The following ZC3H4 variants were observed in gnomAD, a reference collection of about 807,000 sequenced individuals.
ZC3H4 encodes zinc finger CCCH-type containing 4.
A neutral mutation model predicts 108.3 loss-of-function variants in ZC3H4; 13 were observed. That is an observed-to-expected ratio of 0.12 (90% CI 0.08 to 0.19). The LOEUF (loss-of-function observed/expected upper bound fraction) is 0.19, where lower values mean the gene tolerates loss of function less well. Among genes scored for constraint, ZC3H4 ranks in the 10% least tolerant of loss-of-function variants. The pLI, the probability that ZC3H4 is intolerant of heterozygous loss-of-function variation, is 1.00. For missense variants in ZC3H4, 1,734 were observed against 1,838.8 expected, an observed-to-expected ratio of 0.94 and a Z score of 1.04; for synonymous variants, 917 against 749.6, an observed-to-expected ratio of 1.22 and a Z score of -3.65.
chr19:47,093,798 G>C, intron 4 of ZC3H4, 172 bp downstream of exon 4: 1 of 518,784 alleles, frequency 1.9e-6, no homozygotes, highest in Non-Finnish European at 3.3e-6. Context: ...CTGCCTTGTT[G>C]AAATTGTCTA....
rs775865015 is a variant in ZC3H4 at position 47,067,072 on chromosome 19, C to G, written c.3196G>C (p.Asp1066His). The G allele has an allele frequency of 1.9e-6, 3 of 1,608,730 alleles. No individual in the cohort carries two copies. The highest frequency in any genetic ancestry group is 2.5e-6 in the Non-Finnish European group (3 of 1,177,828). Residue 1066 changes from aspartate to histidine, a missense_variant, in exon 15 of 15, where the codon GAC (aspartate) becomes CAC (histidine). Asp to His is a moderately conservative substitution (Grantham distance 81). Coordinates refer to ENST00000253048, the MANE Select transcript of ZC3H4 (RefSeq NM_015168.2). The surrounding 1 kb of genome is among the most constrained non-coding windows in gnomAD (Gnocchi z 6.4). ...CGCACCCGGGGGTCACTGGGTTTGT[C>G]GCTGGAACCGGGGGCGGCCGAGGAG... ...TGSSAAPGSS[D>H]KPSDPRVRKA...
In ZC3H4 at chr19:47,065,808, C is replaced by T. The variant is rs1160517235; in HGVS notation, c.*548G>A. On this transcript the variant is annotated 3_prime_UTR_variant, in exon 15 of 15. Coordinates refer to ENST00000253048, the MANE Select transcript of ZC3H4 (RefSeq NM_015168.2). Reference sequence around the variant, plus strand: ...CTTAATACCTTTTCACTCTCACTGTCTCCTGAGTGGGTTGTTACAGCCTGC... The same window carrying T: ...CTTAATACCTTTTCACTCTCACTGTTTCCTGAGTGGGTTGTTACAGCCTGC... The T allele has an allele frequency of 1.3e-5, 2 of 152,612 alleles. No homozygotes were observed. The highest frequency in any genetic ancestry group is 2.1e-4 in the South Asian group (1 of 4,826). The allele number at this position is 152,612 out of a possible 1,614,324, so 9.5% of individuals were successfully genotyped here.
At chr19:47,077,008 CA>C (rs2057433558) in intron 11 of ZC3H4, among the ~76,000 whole-genome samples, 1 of 151,294 alleles carries the variant, frequency 6.6e-6, no homozygotes, top group Non-Finnish European at 1.5e-5. Flanking sequence ...AAAATTTTTT[CA>C]AAAAAACATT....
rs759022640 is a variant in ZC3H4 at position 47,090,111 on chromosome 19, C to G, written c.571G>C (p.Gly191Arg). The G allele has an allele frequency of 8.7e-6, 14 of 1,614,078 alleles. No homozygotes were observed. In the Admixed American group the frequency reaches 2.3e-4, roughly 27 times the overall value. The change falls in exon 5 of 15, where the codon GGC becomes CGC. Residue 191 changes from glycine (G) to arginine (R), a missense_variant. Coordinates refer to ENST00000253048, the MANE Select transcript of ZC3H4 (RefSeq NM_015168.2). ...AYSKMDSKSY[G>R]MYEDYENEQY... is the part of the protein sequence containing the mutation. ...TCATTCTCGTAGTCCTCGTACATGC[C>G]ATAACTCTTGCTGTCCATCTTGGAG...
Position 47,066,219 on chromosome 19 carries a change from A to G in ZC3H4, c.*137T>C. The G allele has an allele frequency of 3.1e-6, 2 of 636,426 alleles. No individual in the cohort carries two copies. Among genetic ancestry groups the G allele is most frequent in the Admixed American group, 3.7e-5 (1 of 26,854 alleles). The allele number at this position is 636,426 out of a possible 1,614,324, so 39.4% of individuals were successfully genotyped here. On this transcript the variant is annotated 3_prime_UTR_variant, in exon 15 of 15. Coordinates refer to ENST00000253048, the MANE Select transcript of ZC3H4 (RefSeq NM_015168.2). Reference sequence around the variant, plus strand: ...GTACTACTTTAAAAAAAAATAAAAGAGACGGAAAGCAAAAGAAAAAGAAAA... The same window carrying G: ...GTACTACTTTAAAAAAAAATAAAAGGGACGGAAAGCAAAAGAAAAAGAAAA...
At chr19:47,111,720 T>C (rs2058041377) in intron 2 of ZC3H4, among the ~76,000 whole-genome samples, 1 of 147,686 alleles carries the variant, frequency 6.8e-6, no homozygotes, top group Admixed American at 6.7e-5. Context: ...TTCTAGGGGA[T>C]AGCTAAAAAA....
chr19:47,079,609 T>A (rs1351910675), intron 11 of ZC3H4, among the ~76,000 whole-genome samples: 3 of 152,070 alleles, frequency 2.0e-5, no homozygotes, highest in Non-Finnish European at 4.4e-5. Context: ...TACATAACCC[T>A]GGGGCATGCC....
At chr19:47,100,151 C>T (rs1384625479) in intron 2 of ZC3H4, among the ~76,000 whole-genome samples, 1 of 152,202 alleles carries the variant, frequency 6.6e-6, no homozygotes, top group Non-Finnish European at 1.5e-5. Context: ...GGCGCAGGGC[C>T]TTTGCTTCAG....
intron 2 of ZC3H4, among the ~76,000 whole-genome samples, chr19:47,109,997 C>T (rs1218062084): frequency 6.6e-6 from 1 of 152,060 alleles, no homozygotes. Context: ...CATGACTGGG[C>T]GTGTAACACG....
At chr19:47,086,905 A>C (rs1020502152) in intron 5 of ZC3H4, among the ~76,000 whole-genome samples, 1 of 152,186 alleles carries the variant, frequency 6.6e-6, no homozygotes, top group Non-Finnish European at 1.5e-5. Context: ...TGACAAGACA[A>C]GCTAGCCCTG....
At chr19:47,088,612 C>T (rs1474781755) in intron 5 of ZC3H4, among the ~76,000 whole-genome samples, 3 of 151,418 alleles carry the variant, frequency 2.0e-5, no homozygotes, top group African/African-American at 4.8e-5. Flanking sequence ...GAGCCTAAAT[C>T]GTGCCACTGC....
chr19:47,078,374 T>A (rs2057459502), intron 11 of ZC3H4, among the ~76,000 whole-genome samples: 2 of 151,170 alleles, frequency 1.3e-5, no homozygotes, highest in Non-Finnish European at 1.5e-5. Context: ...ATCCCGGCAC[T>A]TTGGGAGGCC....
Position 47,069,221 on chromosome 19 carries a change from C to T in ZC3H4, c.2269G>A (p.Gly757Ser), listed in dbSNP as rs753240006. ...GPPGRPKPGA[G>S]VPDFLPSAQR... ...GCTGAGGGCAGGAAGTCAGGGACACCGGCGCCTGGCTTCGGCCGGCCTGGG... is the reference window on the plus strand; with the variant it reads ...GCTGAGGGCAGGAAGTCAGGGACACTGGCGCCTGGCTTCGGCCGGCCTGGG... The change falls in exon 14 of 15, where the codon GGT becomes AGT. Residue 757 changes from glycine to serine, a missense_variant. Transcript: ENST00000253048. 1.2e-4 allele frequency: 191 copies of T among 1,612,832 alleles called. No homozygotes were observed. The highest frequency in any genetic ancestry group is 1.5e-4 in the Non-Finnish European group (175 of 1,179,952).
intron 2 of ZC3H4, chr19:47,096,871 C>T (rs2057829179): frequency 1.0e-6 from 1 of 985,306 alleles, no homozygotes; most frequent in African/African-American, 1.7e-5. Flanking sequence ...GCTGGGTCAG[C>T]TGAGCCGGAG....
intron 2 of ZC3H4, 170 bp downstream of exon 2, chr19:47,112,254 G>A (rs2058049600): frequency 8.7e-7 from 1 of 1,153,096 alleles, no homozygotes; most frequent in Admixed American, 4.3e-5. Context: ...AAGCAAGCGA[G>A]AAAGAGCGAG....
chr19:47,084,577 G>T (rs2057582295), intron 8 of ZC3H4, 122 bp from the exon 9 acceptor site: 3 of 914,616 alleles, frequency 3.3e-6, no homozygotes, highest in South Asian at 2.9e-5. Context: ...CAAGAGCACC[G>T]ATGGGCAGGC....
intron 2 of ZC3H4, among the ~76,000 whole-genome samples, chr19:47,104,826 C>A (rs2057948448): frequency 6.6e-6 from 1 of 152,156 alleles, no homozygotes; most frequent in Admixed American, 6.5e-5. Flanking sequence ...ATGAGGAGGG[C>A]AATAATCCAA....
chr19:47,087,806 G>A (rs1600066076), intron 5 of ZC3H4, among the ~76,000 whole-genome samples: 3 of 152,174 alleles, frequency 2.0e-5, no homozygotes, highest in Middle Eastern at 3.4e-3. Flanking sequence ...CCTCGGAGGC[G>A]GAGGTTGCAG....
At chr19:47,094,739 T>C in intron 2 of ZC3H4, 131 bp from the exon 3 acceptor site, 1 of 833,880 alleles carries the variant, frequency 1.2e-6, no homozygotes, top group Admixed American at 2.4e-5. Flanking sequence ...TGGGAGGACA[T>C]GGGGGCCATG....
Sources: allele counts gnomAD v4.1 joint callset (sites outside exome capture counted in the v4.1 genomes callset), GRCh38; gene constraint gnomAD v4.1.1; non-coding constraint Gnocchi (gnomAD v3.1); transcripts MANE v1.5; gene names NCBI Gene and HGNC (gene_info 2026-07-23, HGNC 2026-07-21).